The following SMG6 variants were observed in gnomAD, a reference collection of about 807,000 sequenced individuals.
SMG6 encodes the protein SMG6 nonsense mediated mRNA decay factor, also known as telomerase-binding protein EST1A.
A neutral mutation model predicts 142.2 loss-of-function variants in SMG6; 66 were observed. The ratio of observed to expected loss-of-function variants is 0.46; its 90% CI spans 0.38 to 0.57. SMG6 has a LOEUF of 0.57. SMG6 is among the 20% of genes least tolerant of loss of function. SMG6 has a pLI of 0.00. For missense variants in SMG6, 1,793 were observed against 1,832.0 expected (o/e 0.98, Z 0.39); for synonymous variants, 779 against 702.4 (o/e 1.11, Z -1.72).
At chr17:2,070,119 T>C (rs1009053644) in intron 15 of SMG6, among the ~76,000 whole-genome samples, 2 of 152,208 alleles carry the variant, frequency 1.3e-5, no homozygotes, top group South Asian at 2.1e-4. Flanking sequence ...TTGCCTTCCC[T>C]GTGGACTTTC....
At chr17:2,221,021 A>G (rs2073155413) in intron 10 of SMG6, among the ~76,000 whole-genome samples, 2 of 152,270 alleles carry the variant, frequency 1.3e-5, no homozygotes, top group African/African-American at 4.8e-5. Flanking sequence ...GAAATAAAAA[A>G]GTATTTCTAG....
chr17:2,167,283 C>T (rs1462047645), intron 13 of SMG6, among the ~76,000 whole-genome samples: 1 of 151,708 alleles, frequency 6.6e-6, no homozygotes, highest in African/African-American at 2.4e-5. Context: ...AGAATCAATG[C>T]TATAAAAATA....
At position 2,172,669 on chromosome 17, in the gene SMG6, T is replaced by C; in HGVS notation, c.3346A>G (p.Thr1116Ala). Residue 1116 changes from threonine to alanine, a missense_variant, in exon 13 of 19, where the codon ACC becomes GCC. Thr to Ala is a moderately conservative substitution (Grantham distance 58, BLOSUM62 0). Coordinates refer to ENST00000263073, the MANE Select transcript of SMG6 (RefSeq NM_017575.5). ...APQDPCYVEKTSDKVIAADCK... is the reference protein window; with the variant it reads ...APQDPCYVEKASDKVIAADCK... ...GGCCTGGGGCTGACCTTATCCGAGG[T>C]TTTCTCCACGTAGCAGGGGTCCTGA... The C allele has an allele frequency of 6.2e-7, 1 of 1,612,972 alleles. No individual in the cohort carries two copies. The highest frequency in any genetic ancestry group is 1.1e-5 in the South Asian group (1 of 90,998).
chr17:2,092,637 C>T (rs1007751479), intron 13 of SMG6, among the ~76,000 whole-genome samples: 2 of 152,108 alleles, frequency 1.3e-5, no homozygotes, highest in Non-Finnish European at 2.9e-5. Context: ...AGGAAGGAGA[C>T]GATGTTCACA....
At chr17:2,200,623 C>T (rs2072490639) in intron 10 of SMG6, among the ~76,000 whole-genome samples, 1 of 152,158 alleles carries the variant, frequency 6.6e-6, no homozygotes, top group South Asian at 2.1e-4. Flanking sequence ...GTCTCAGCCT[C>T]CCAAAGTGCA....
At chr17:2,216,297 C>T (rs2073018097) in intron 10 of SMG6, among the ~76,000 whole-genome samples, 1 of 151,998 alleles carries the variant, frequency 6.6e-6, no homozygotes, top group African/African-American at 2.4e-5. Flanking sequence ...ATTTTTTTTA[C>T]AGATTTGGCT....
intron 15 of SMG6, among the ~76,000 whole-genome samples, chr17:2,072,235 TG>T (rs1342357468): frequency 6.6e-6 from 1 of 152,072 alleles, no homozygotes; most frequent in African/African-American, 2.4e-5. Context: ...GGCCCTGGCA[TG>T]GAGTCAAGCG....
At chr17:2,141,206 T>G (rs1233251384) in intron 13 of SMG6, among the ~76,000 whole-genome samples, 1 of 152,244 alleles carries the variant, frequency 6.6e-6, no homozygotes, top group African/African-American at 2.4e-5. Context: ...CTTTCCATCA[T>G]TACAGTACTA....
In SMG6 at chr17:2,105,580, C is replaced by G. The variant is rs146475023; in HGVS notation, c.3358-19679G>C. On this transcript the variant is annotated intron_variant, in intron 13 of 18. Coordinates refer to ENST00000263073, the MANE Select transcript of SMG6 (RefSeq NM_017575.5). ...AATAAATAAATAAATAACACTTGCC[C>G]AGACTCAGCAGTAGCCTAAAGGCCC... 4.2e-3 allele frequency among the ~76,000 whole-genome samples: 643 copies of G among 152,100 alleles called. 10 individuals are homozygous for G. Among genetic ancestry groups the G allele is most frequent in the Admixed American group, 0.036 (545 of 15,274 alleles).
chr17:2,295,524 A>G (rs1597229234), intron 4 of SMG6, among the ~76,000 whole-genome samples: 1 of 152,156 alleles, frequency 6.6e-6, no homozygotes, highest in Non-Finnish European at 1.5e-5. Context: ...AGTTTCCCCA[A>G]CTAAATTAAC....
intron 13 of SMG6, among the ~76,000 whole-genome samples, chr17:2,094,017 C>T (rs1006011288): frequency 2.6e-5 from 4 of 152,184 alleles, no homozygotes; most frequent in Non-Finnish European, 5.9e-5. Flanking sequence ...TCTCCCTATT[C>T]TTCAGAAAGA....
chr17:2,265,765 T>C (rs1178393442), intron 8 of SMG6, among the ~76,000 whole-genome samples: 2 of 152,210 alleles, frequency 1.3e-5, no homozygotes, highest in Non-Finnish European at 2.9e-5. Context: ...ACTGGCAATA[T>C]TTTGCCCATC....
Position 2,104,020 on chromosome 17 carries a change from C to T in SMG6, c.3358-18119G>A, listed in dbSNP as rs915412412. Among the ~76,000 whole-genome samples, 3 of 151,398 alleles carry T rather than the reference C, an allele frequency of 2.0e-5. No individual in the cohort carries two copies. The East Asian group carries it at 5.8e-4, about 29-fold the overall frequency. On this transcript the variant is annotated intron_variant, in intron 13 of 18. Coordinates refer to ENST00000263073, the MANE Select transcript of SMG6 (RefSeq NM_017575.5). ...AGGCAGGAGTGTAATGGCACGATCT[C>T]AGCTCACTGCAACCTCTGCTTCCCA...
At position 2,300,025 on chromosome 17, in the gene SMG6, C is replaced by T. The variant is rs999580898; in HGVS notation, c.728G>A (p.Arg243His). 3.1e-6 allele frequency: 5 copies of T among 1,614,160 alleles called. No individual in the cohort carries two copies. The highest frequency in any genetic ancestry group is 2.5e-6 in the Non-Finnish European group (3 of 1,180,036). Residue 243 changes from arginine (R) to histidine (H), a missense_variant, in exon 2 of 19, where the codon CGC becomes CAC. By Grantham distance (29) the Arg-to-His change is conservative. Around this residue, in one of 3 missense-constraint regions of SMG6, gnomAD observed 1,597 missense variants for 1,584.6 expected, o/e 1.01. Coordinates refer to ENST00000263073, the MANE Select transcript of SMG6 (RefSeq NM_017575.5). ...CCTTCGTTTGTCTGAGCGGGAGTAG[C>T]GCTTTGCGGAGCCCGGCCTCCCGCG... ...PARGRPGSAK[R>H]YSRSDKRRNR...
intron 10 of SMG6, chr17:2,235,593 A>G (rs796073760): frequency 3.9e-5 from 6 of 152,646 alleles, no homozygotes; most frequent in African/African-American, 1.4e-4. Context: ...GCCAATTCCC[A>G]CTTCCTGGCA....
intron 14 of SMG6, 37 bp from the exon 15 acceptor site, chr17:2,081,993 C>G (rs1324115783): frequency 1.2e-6 from 2 of 1,611,872 alleles, no homozygotes; most frequent in Non-Finnish European, 1.7e-6. Flanking sequence ...AAAGAGGAGA[C>G]AGTTAGCTGG....
intron 13 of SMG6, among the ~76,000 whole-genome samples, chr17:2,143,663 G>A (rs553184793): frequency 6.6e-6 from 1 of 152,240 alleles, no homozygotes; most frequent in East Asian, 1.9e-4. Context: ...TTGTTGTATT[G>A]CTCTATGAAT....
intron 10 of SMG6, among the ~76,000 whole-genome samples, chr17:2,228,933 C>A (rs910456761): frequency 6.6e-6 from 1 of 152,074 alleles, no homozygotes; most frequent in Non-Finnish European, 1.5e-5. Context: ...CTTTCTGTAT[C>A]AATGACATAT....
chr17:2,158,868 A>AT, intron 13 of SMG6, among the ~76,000 whole-genome samples: 1 of 151,378 alleles, frequency 6.6e-6, no homozygotes, highest in Non-Finnish European at 1.5e-5. Context: ...TTCAAAAAAA[A>AT]AAAAAAAAAG....
Sources: gnomAD v4.1 joint callset for allele counts (sites outside exome capture counted in the v4.1 genomes callset) on GRCh38, gnomAD v4.1.1 for gene constraint, gnomAD v4.1.1 regional missense constraint, MANE v1.5 for transcripts, NCBI Gene and HGNC (gene_info 2026-07-23, HGNC 2026-07-21) for gene names.